Variants in AUTS2 observed in about 807,000 individuals in gnomAD.
AUTS2 encodes activator of transcription and developmental regulator AUTS2, also known as autism susceptibility gene 2 protein.
In AUTS2, 17 loss-of-function variants were observed where a neutral mutation model predicts 112.4. The observed-to-expected ratio is 0.15, with a 90% confidence interval of 0.10 to 0.23. The LOEUF (loss-of-function observed/expected upper bound fraction) is 0.23, where lower values mean the gene tolerates loss of function less well. Among genes scored for constraint, AUTS2 ranks in the 10% least tolerant of loss-of-function variants. AUTS2 has a pLI of 1.00. For missense variants in AUTS2, 1,510 were observed against 1,701.6 expected (o/e 0.89, Z 1.98); for synonymous variants, 751 against 702.7 (o/e 1.07, Z -1.09).
intron 5 of AUTS2, among the ~76,000 whole-genome samples, chr7:70,681,206 C>A (rs561199432): frequency 6.6e-6 from 1 of 152,324 alleles, no homozygotes; most frequent in African/African-American, 2.4e-5. Flanking sequence ...GACATCCGTG[C>A]CCCAGTTCAG....
chr7:70,337,773 CAT>C (rs1279055918), intron 4 of AUTS2, among the ~76,000 whole-genome samples: 2 of 152,184 alleles, frequency 1.3e-5, no homozygotes, highest in African/African-American at 4.8e-5. Context: ...TGCATGTTAA[CAT>C]GTGTGTTCAC....
intron 1 of AUTS2, among the ~76,000 whole-genome samples, chr7:69,837,697 A>G (rs547673237): frequency 3.3e-5 from 5 of 152,198 alleles, no homozygotes; most frequent in African/African-American, 4.8e-5. Context: ...AAGAGGCGTC[A>G]TGTTTGTTAA....
intron 5 of AUTS2, among the ~76,000 whole-genome samples, chr7:70,470,304 A>AGTGAACCAGTTCTG (rs1400055560): frequency 2.6e-5 from 4 of 152,228 alleles, no homozygotes; most frequent in Non-Finnish European, 5.9e-5. Context: ...AAGGAGCATC[A>AGTGAACCAGTTCTG]GTGAACCAGT....
intron 5 of AUTS2, among the ~76,000 whole-genome samples, chr7:70,543,531 G>GAAA (rs5884786): frequency 8.8e-6 from 1 of 113,420 alleles, no homozygotes; most frequent in Non-Finnish European, 1.9e-5. Context: ...TCCATCTTGG[G>GAAA]AAAAAAAAAA....
At chr7:70,146,810 T>C (rs1807148725) in intron 4 of AUTS2, among the ~76,000 whole-genome samples, 1 of 152,166 alleles carries the variant, frequency 6.6e-6, no homozygotes, top group Non-Finnish European at 1.5e-5. Flanking sequence ...GCTCTATACT[T>C]ATCTATGTAC....
intron 4 of AUTS2, among the ~76,000 whole-genome samples, chr7:70,320,930 A>G (rs1419307269): frequency 1.3e-5 from 2 of 152,192 alleles, no homozygotes; most frequent in Non-Finnish European, 2.9e-5. Flanking sequence ...TAGGATGACA[A>G]GGACCCCAGA....
intron 1 of AUTS2, among the ~76,000 whole-genome samples, chr7:69,806,499 C>G (rs998744353): frequency 6.6e-6 from 1 of 152,028 alleles, no homozygotes. Context: ...CAGAGGCTCA[C>G]TCCACTGTCC....
At chr7:70,529,754 G>A (rs934158597) in intron 5 of AUTS2, among the ~76,000 whole-genome samples, 2 of 152,200 alleles carry the variant, frequency 1.3e-5, no homozygotes, top group African/African-American at 4.8e-5. Context: ...GAACAATGGA[G>A]TTCTCCTTCT....
chr7:69,765,899 A>G (rs1788400846), intron 1 of AUTS2, among the ~76,000 whole-genome samples: 1 of 152,142 alleles, frequency 6.6e-6, no homozygotes, highest in South Asian at 2.1e-4. Flanking sequence ...GTGAGGTGAG[A>G]TCATGCCACT....
intron 5 of AUTS2, among the ~76,000 whole-genome samples, chr7:70,518,682 CA>C (rs748207444): frequency 0.16 from 17,264 of 109,466 alleles, 1,246 homozygotes; most frequent in Non-Finnish European, 0.2. Flanking sequence ...GACTCCGTCT[CA>C]AAAAAAAAAA....
chr7:69,728,816 G>A (rs1003951825), intron 1 of AUTS2, among the ~76,000 whole-genome samples: 1 of 151,722 alleles, frequency 6.6e-6, no homozygotes, highest in African/African-American at 2.4e-5. Context: ...GTCAAAGATA[G>A]CAGAGCTTTA....
intron 2 of AUTS2, among the ~76,000 whole-genome samples, chr7:69,998,428 G>A (rs1486486589): frequency 6.6e-6 from 1 of 152,088 alleles, no homozygotes; most frequent in East Asian, 1.9e-4. Flanking sequence ...CCACCTGTGT[G>A]GGAAAGCTGC....
intron 5 of AUTS2, among the ~76,000 whole-genome samples, chr7:70,504,863 G>C (rs1316207464): frequency 2.6e-5 from 4 of 152,186 alleles, no homozygotes; most frequent in Non-Finnish European, 4.4e-5. Context: ...TTACAGTGCA[G>C]TATCCTGCTA....
chr7:69,918,850 C>A (rs1448732022), intron 2 of AUTS2, among the ~76,000 whole-genome samples: 1 of 152,188 alleles, frequency 6.6e-6, no homozygotes, highest in Non-Finnish European at 1.5e-5. Context: ...GTTGCAGCTT[C>A]CACATTCCTT....
intron 4 of AUTS2, among the ~76,000 whole-genome samples, chr7:70,330,619 A>C (rs1394840270): frequency 1.3e-5 from 2 of 152,152 alleles, no homozygotes; most frequent in African/African-American, 2.4e-5. Flanking sequence ...GGTCCATTGC[A>C]ATTCCATACA....
At chr7:70,430,825 C>T (rs899252534) in intron 4 of AUTS2, among the ~76,000 whole-genome samples, 8 of 142,318 alleles carry the variant, frequency 5.6e-5, no homozygotes, top group Non-Finnish European at 1.1e-4. Flanking sequence ...ATTGCAGTGT[C>T]GCCTTTTTTT....
chr7:69,756,762 A>T (rs2129279133), intron 1 of AUTS2, among the ~76,000 whole-genome samples: 1 of 152,218 alleles, frequency 6.6e-6, no homozygotes, highest in African/African-American at 2.4e-5. Context: ...GATGGTGAGG[A>T]TGTCCAAATC....
At chr7:69,924,659 C>G (rs1422626551) in intron 2 of AUTS2, among the ~76,000 whole-genome samples, 1 of 151,852 alleles carries the variant, frequency 6.6e-6, no homozygotes, top group Non-Finnish European at 1.5e-5. Context: ...TCAAGCGATT[C>G]TCCTACCTCA....
chr7:70,448,626 G>A (rs775167816), intron 5 of AUTS2, among the ~76,000 whole-genome samples: 10 of 152,158 alleles, frequency 6.6e-5, no homozygotes, highest in Admixed American at 3.9e-4. Context: ...TCAGATGGTC[G>A]TTTAGAATGC....
Sources: gnomAD v4.1 joint callset for allele counts (sites outside exome capture counted in the v4.1 genomes callset) on GRCh38, gnomAD v4.1.1 for gene constraint, MANE v1.5 for transcripts, NCBI Gene and HGNC (gene_info 2026-07-23, HGNC 2026-07-21) for gene names.